The following CACNA2D3 variants were observed in gnomAD, a reference collection of about 807,000 sequenced individuals.
The protein encoded by CACNA2D3 is calcium voltage-gated channel auxiliary subunit alpha2delta 3.
Under a neutral mutation model 160.6 loss-of-function variants are expected in CACNA2D3, and 60 were observed. The observed-to-expected ratio is 0.37, with a 90% confidence interval of 0.30 to 0.46. The LOEUF is 0.46. CACNA2D3 is among the 20% of genes least tolerant of loss of function. CACNA2D3 has a pLI of 1.00. For synonymous variants in CACNA2D3, 558 were observed against 492.9 expected, an observed-to-expected ratio of 1.13 and a Z score of -1.75; for missense variants, 1,205 against 1,365.0, an observed-to-expected ratio of 0.88 and a Z score of 1.85.
At chr3:54,491,476 A>C (rs144319044) in intron 4 of CACNA2D3, among the ~76,000 whole-genome samples, 242 of 152,310 alleles carry the variant, frequency 1.6e-3, no homozygotes, top group Non-Finnish European at 2.9e-3. Flanking sequence ...GAGAGACTGA[A>C]AGAATCCTGC....
At chr3:54,412,678 T>A (rs1465667087) in intron 4 of CACNA2D3, among the ~76,000 whole-genome samples, 1 of 147,392 alleles carries the variant, frequency 6.8e-6, no homozygotes, top group Non-Finnish European at 1.5e-5. Context: ...CTTTATGTAA[T>A]TATTCATATA....
intron 13 of CACNA2D3, among the ~76,000 whole-genome samples, chr3:54,801,814 T>A (rs768729727): frequency 1.3e-5 from 2 of 151,928 alleles, no homozygotes. Flanking sequence ...AAAAAAAAAA[T>A]TGAAGTCCCA....
intron 3 of CACNA2D3, among the ~76,000 whole-genome samples, chr3:54,341,376 A>G (rs1238861979): frequency 6.6e-6 from 1 of 152,178 alleles, no homozygotes; most frequent in African/African-American, 2.4e-5. Flanking sequence ...TATAGTGCCC[A>G]TCACCTCCCA....
intron 5 of CACNA2D3, among the ~76,000 whole-genome samples, chr3:54,507,713 A>G (rs971777841): frequency 6.6e-6 from 1 of 152,224 alleles, no homozygotes; most frequent in Non-Finnish European, 1.5e-5. Context: ...ATGTCTGGGA[A>G]TGGAGGGAGG....
At chr3:54,239,035 T>A (rs1217766634) in intron 2 of CACNA2D3, among the ~76,000 whole-genome samples, 1 of 152,248 alleles carries the variant, frequency 6.6e-6, no homozygotes, top group Non-Finnish European at 1.5e-5. Flanking sequence ...TATCAGTCAT[T>A]CTTCCTAATG....
intron 4 of CACNA2D3, among the ~76,000 whole-genome samples, chr3:54,458,632 A>G (rs1046198992): frequency 2.6e-5 from 4 of 152,024 alleles, no homozygotes; most frequent in African/African-American, 7.2e-5. Context: ...CAATTTGACT[A>G]CAGTGTGCCT....
chr3:54,474,078 A>G (rs115092130), intron 4 of CACNA2D3, among the ~76,000 whole-genome samples: 2,038 of 152,308 alleles, frequency 0.013, 17 homozygotes, highest in Non-Finnish European at 0.02. Flanking sequence ...GAATCATTCT[A>G]CTATACAGAC....
intron 3 of CACNA2D3, among the ~76,000 whole-genome samples, chr3:54,373,914 CA>C (rs2107551036): frequency 6.6e-6 from 1 of 152,290 alleles, no homozygotes; most frequent in South Asian, 2.1e-4. Context: ...TGTTTTATCC[CA>C]AACTTCCATC....
chr3:54,766,108 A>G (rs1184911333), intron 13 of CACNA2D3, among the ~76,000 whole-genome samples: 1 of 152,188 alleles, frequency 6.6e-6, no homozygotes, highest in African/African-American at 2.4e-5. Flanking sequence ...GAGAAAGATA[A>G]ATAAGTTTGA....
At chr3:54,985,374 A>C (rs1702592376) in intron 30 of CACNA2D3, among the ~76,000 whole-genome samples, 1 of 152,234 alleles carries the variant, frequency 6.6e-6, no homozygotes, top group African/African-American at 2.4e-5. Context: ...TTTCCATTCA[A>C]ATTTTCTGCA....
At chr3:54,569,199 C>T (rs997560756) in intron 6 of CACNA2D3, among the ~76,000 whole-genome samples, 5 of 152,178 alleles carry the variant, frequency 3.3e-5, no homozygotes, top group Non-Finnish European at 5.9e-5. Flanking sequence ...GGAAAACTCC[C>T]CAGGCTTCAG....
intron 2 of CACNA2D3, among the ~76,000 whole-genome samples, chr3:54,251,390 G>A (rs979512515): frequency 6.6e-6 from 1 of 152,162 alleles, no homozygotes; most frequent in Non-Finnish European, 1.5e-5. Flanking sequence ...GTATTTTAAA[G>A]TTAACAGATA....
At chr3:54,368,972 A>G (rs1176818066) in intron 3 of CACNA2D3, among the ~76,000 whole-genome samples, 1 of 151,910 alleles carries the variant, frequency 6.6e-6, no homozygotes, top group East Asian at 1.9e-4. Flanking sequence ...AAGTGCTGGG[A>G]TTACAGGTGT....
intron 2 of CACNA2D3, among the ~76,000 whole-genome samples, chr3:54,213,911 G>A (rs1332921952): frequency 1.3e-5 from 2 of 152,220 alleles, no homozygotes; most frequent in Non-Finnish European, 2.9e-5. Flanking sequence ...AGCCCATTCA[G>A]TAGGAAAATA....
At chr3:54,630,996 G>A (rs1162497297) in intron 10 of CACNA2D3, among the ~76,000 whole-genome samples, 2 of 152,152 alleles carry the variant, frequency 1.3e-5, no homozygotes, top group Non-Finnish European at 2.9e-5. Flanking sequence ...GAGGTCCGGG[G>A]TTCGAGACCA....
intron 2 of CACNA2D3, among the ~76,000 whole-genome samples, chr3:54,135,008 C>T (rs1445605660): frequency 1.3e-5 from 2 of 152,236 alleles, no homozygotes; most frequent in East Asian, 3.8e-4. Flanking sequence ...AATTAGGAAG[C>T]TGCTGCAGCT....
chr3:54,295,894 T>G (rs7427601), intron 2 of CACNA2D3, among the ~76,000 whole-genome samples: 33,392 of 152,146 alleles, frequency 0.22, 3,835 homozygotes, highest in South Asian at 0.34. Flanking sequence ...CTTTTCCCTT[T>G]GGCTTAGTGA....
At chr3:54,862,407 A>ACG (rs1397186575) in intron 17 of CACNA2D3, among the ~76,000 whole-genome samples, 1 of 150,850 alleles carries the variant, frequency 6.6e-6, no homozygotes. Flanking sequence ...ACACACACGC[A>ACG]CACACACGCA....
At chr3:54,745,667 C>T (rs1205736354) in intron 11 of CACNA2D3, among the ~76,000 whole-genome samples, 1 of 152,188 alleles carries the variant, frequency 6.6e-6, no homozygotes, top group African/African-American at 2.4e-5. Flanking sequence ...TATGTAATCT[C>T]GTGTTCCATT....
Sources: allele counts gnomAD v4.1 joint callset (sites outside exome capture counted in the v4.1 genomes callset), GRCh38; gene constraint gnomAD v4.1.1; transcripts MANE v1.5; gene names NCBI Gene and HGNC (gene_info 2026-07-23, HGNC 2026-07-21).